Variants in DNAH6 observed in about 807,000 individuals in gnomAD.
DNAH6 encodes dynein axonemal heavy chain 6.
In DNAH6, 340 loss-of-function variants were observed where a neutral mutation model predicts 491.4. That is an observed-to-expected ratio of 0.69 (90% confidence interval 0.63 to 0.76). The LOEUF is 0.76. Ranked by LOEUF, DNAH6 falls within the 30% of genes least tolerant of loss-of-function variation. DNAH6 has a pLI of 0.00. For synonymous variants in DNAH6, 1,603 were observed against 1,686.1 expected (o/e 0.95, Z 1.21); for missense variants, 4,443 against 4,972.2 (o/e 0.89, Z 3.20).
intron 29 of DNAH6, among the ~76,000 whole-genome samples, chr2:84,633,170 C>T (rs1688565783): frequency 6.6e-6 from 1 of 152,188 alleles, no homozygotes; most frequent in Non-Finnish European, 1.5e-5. Context: ...TAAAGTAGTA[C>T]ATTTCAGTGG....
chr2:84,606,939 T>C lies in DNAH6; in HGVS notation c.3175-37T>C, dbSNP rs4276039. 1,464,580 of 1,537,866 alleles carry C rather than the reference T, an allele frequency of 0.95. 697,686 individuals carry two copies. Among genetic ancestry groups the C allele is most frequent in the East Asian group, 1 (40,637 of 40,684 alleles). ...GAAATATTACTGAAAGCACAAATAC[T>C]GGGTGCTGCATGTATTTTCTTCCCC... On this transcript the variant is annotated intron_variant, in intron 20 of 76. Transcript: ENST00000389394.
chr2:84,718,514 C>T (rs1001914663), intron 59 of DNAH6, 130 bp downstream of exon 59: 15 of 647,202 alleles, frequency 2.3e-5, no homozygotes, highest in African/African-American at 1.3e-4. Flanking sequence ...GACACACAGA[C>T]GGGTGCCTGC....
intron 45 of DNAH6, among the ~76,000 whole-genome samples, chr2:84,691,205 G>A (rs1192302): frequency 0.036 from 5,432 of 152,188 alleles, 146 homozygotes; most frequent in South Asian, 0.06. Context: ...ATACTACAAA[G>A]CAGAATGGAC....
At chr2:84,488,798 A>C in the DNAH6 span, among the ~76,000 whole-genome samples, 1 of 152,198 alleles carries the variant, frequency 6.6e-6, no homozygotes, top group Admixed American at 6.5e-5. Context: ...GGACCTAAAC[A>C]TCTTTAGGAG....
chr2:84,698,474 G>A (rs771210029), intron 47 of DNAH6, among the ~76,000 whole-genome samples: 9 of 152,202 alleles, frequency 5.9e-5, no homozygotes, highest in African/African-American at 2.2e-4. Context: ...TGGTCAAGGA[G>A]GTAGCTGCCT....
At chr2:84,648,593 A>G (rs201719284) in intron 33 of DNAH6, among the ~76,000 whole-genome samples, 1 of 152,256 alleles carries the variant, frequency 6.6e-6, no homozygotes, top group East Asian at 1.9e-4. Flanking sequence ...CAGTGGAGGA[A>G]GTAACTACAG....
At chr2:84,781,042 G>T (rs756547735) in intron 64 of DNAH6, among the ~76,000 whole-genome samples, 3 of 152,168 alleles carry the variant, frequency 2.0e-5, no homozygotes, top group Non-Finnish European at 2.9e-5. Context: ...CATTTGCGTT[G>T]TGAGAATTCA....
chr2:84,597,756 A>G (rs1573158383), intron 18 of DNAH6, among the ~76,000 whole-genome samples: 1 of 152,366 alleles, frequency 6.6e-6, no homozygotes, highest in East Asian at 1.9e-4. Flanking sequence ...TGGCATATCT[A>G]TATGATGGAG....
intron 16 of DNAH6, among the ~76,000 whole-genome samples, chr2:84,590,372 G>A (rs1683993762): frequency 6.6e-6 from 1 of 151,860 alleles, no homozygotes; most frequent in Non-Finnish European, 1.5e-5. Context: ...GCAGGCGCCT[G>A]TAATCCCAGC....
chr2:84,611,629 T>G, intron 21 of DNAH6, 45 bp from the exon 22 acceptor site: 1 of 1,479,042 alleles, frequency 6.8e-7, no homozygotes, highest in Non-Finnish European at 9.2e-7. Flanking sequence ...CATATGTTTT[T>G]AATTGGGGAA....
At chr2:84,640,365 G>A in intron 31 of DNAH6, 65 bp from the exon 32 acceptor site, 1 of 999,532 alleles carries the variant, frequency 1.0e-6, no homozygotes, top group Non-Finnish European at 1.5e-6. Context: ...GACTATGTTG[G>A]TATCATGCTA....
chr2:84,819,439 C>G lies in DNAH6; in HGVS notation c.*31C>G, dbSNP rs905474330. 4 of 1,439,468 alleles carry G rather than the reference C, an allele frequency of 2.8e-6. No homozygotes were observed. In the East Asian group the frequency reaches 9.9e-5, roughly 36 times the overall value. 89.2% of individuals were successfully genotyped at this position (1,439,468 alleles called of 1,614,324 possible). ...TGCCACCTCAGCCCTGAAAAAGAAC[C>G]AGGCCAGAGATCTTTCCTAATGGGA... On this transcript the variant is annotated 3_prime_UTR_variant, in exon 77 of 77. Transcript: ENST00000389394.
At chr2:84,776,347 C>T (rs1005125903) in intron 64 of DNAH6, among the ~76,000 whole-genome samples, 1 of 152,198 alleles carries the variant, frequency 6.6e-6, no homozygotes, top group African/African-American at 2.4e-5. Context: ...CAGTTTAGGA[C>T]TACACAAGAT....
chr2:84,486,067 G>T, the DNAH6 span, among the ~76,000 whole-genome samples: 1 of 152,154 alleles, frequency 6.6e-6, no homozygotes, highest in Non-Finnish European at 1.5e-5. Flanking sequence ...CTGTGATTTT[G>T]CCAATGATAT....
intron 57 of DNAH6, among the ~76,000 whole-genome samples, chr2:84,715,169 T>A (rs1452422183): frequency 6.6e-6 from 1 of 152,142 alleles, no homozygotes; most frequent in Non-Finnish European, 1.5e-5. Context: ...ATTATCCAAA[T>A]TTTTAAATAC....
the DNAH6 span, among the ~76,000 whole-genome samples, chr2:84,490,382 G>T: frequency 1.3e-5 from 2 of 151,456 alleles, no homozygotes; most frequent in African/African-American, 2.4e-5. Flanking sequence ...TTTGAAAAAG[G>T]TACCCAGTCA....
rs1305277231 is a variant in DNAH6 at position 84,715,544 on chromosome 2, T to C, written c.9544-16T>C. ...TGCACTTAAGCATTTTTATGCACTC[T>C]GTGCTTCTCTTCCAGGTATGCATTA... On this transcript the variant is annotated splice_polypyrimidine_tract_variant and intron_variant, in intron 57 of 76. Transcript: ENST00000389394. The C allele has an allele frequency of 6.4e-7, 1 of 1,551,118 alleles. No homozygotes were observed. The highest frequency in any genetic ancestry group is 2.0e-5 in the Admixed American group (1 of 50,984).
chr2:84,681,325 C>T (rs1693754798), intron 41 of DNAH6, 32 bp from the exon 42 acceptor site: 1 of 1,463,802 alleles, frequency 6.8e-7, no homozygotes, highest in African/African-American at 1.4e-5. Flanking sequence ...TAAAATAAAT[C>T]TAATCCTCTC....
intron 13 of DNAH6, among the ~76,000 whole-genome samples, chr2:84,578,686 G>T (rs1325139546): frequency 6.6e-6 from 1 of 152,158 alleles, no homozygotes; most frequent in Non-Finnish European, 1.5e-5. Context: ...ATAAAAGTGT[G>T]GGCCTTTATC....
Sources: gnomAD v4.1 joint callset for allele counts (sites outside exome capture counted in the v4.1 genomes callset) on GRCh38, gnomAD v4.1.1 for gene constraint, MANE v1.5 for transcripts, NCBI Gene and HGNC (gene_info 2026-07-23, HGNC 2026-07-21) for gene names.